The following BCR variants were observed in gnomAD, a reference collection of about 807,000 sequenced individuals.
The protein encoded by BCR is breakpoint cluster region protein.
A neutral mutation model predicts 138.6 loss-of-function variants in BCR; 58 were observed. The ratio of observed to expected loss-of-function variants is 0.42; its 90% CI spans 0.34 to 0.52. The LOEUF is 0.52. Ranked by LOEUF, BCR falls within the 20% of genes least tolerant of loss-of-function variation. The pLI, the probability that BCR is intolerant of heterozygous loss-of-function variation, is 0.06. For missense variants in BCR, 1,599 were observed against 1,727.2 expected (o/e 0.93, Z 1.32); for synonymous variants, 786 against 730.1 (o/e 1.08, Z -1.23).
chr22:23,263,555 A>C (rs2073398296), intron 4 of BCR: 1 of 1,574,798 alleles, frequency 6.4e-7, no homozygotes, highest in African/African-American at 1.3e-5. Flanking sequence ...AGTTCCGTCC[A>C]GATGGTGCCA....
chr22:23,211,041 A>G (rs2072675646), intron 1 of BCR, among the ~76,000 whole-genome samples: 1 of 151,990 alleles, frequency 6.6e-6, no homozygotes, highest in Non-Finnish European at 1.5e-5. Flanking sequence ...GAAACCCTAT[A>G]CCTATTAGCA....
intron 1 of BCR, among the ~76,000 whole-genome samples, chr22:23,208,054 G>A (rs1233317984): frequency 1.3e-5 from 2 of 152,166 alleles, no homozygotes; most frequent in African/African-American, 2.4e-5. Flanking sequence ...TCCTGTTGCC[G>A]AGCACCTGTC....
intron 1 of BCR, among the ~76,000 whole-genome samples, chr22:23,253,318 C>G (rs1189734121): frequency 2.0e-5 from 3 of 152,160 alleles, no homozygotes; most frequent in Admixed American, 1.3e-4. Context: ...ACTCAACCTT[C>G]AACTGTGGGT....
chr22:23,291,207 C>CA (rs34824833), intron 14 of BCR: 2,046 of 63,184 alleles, frequency 0.032, 29 homozygotes, highest in African/African-American at 0.047. Flanking sequence ...GACTCCGCCT[C>CA]AAAAAAAAAA....
chr22:23,225,367 G>A (rs2072877946), intron 1 of BCR, among the ~76,000 whole-genome samples: 2 of 57,010 alleles, frequency 3.5e-5, no homozygotes, highest in African/African-American at 1.6e-4. Context: ...ACCCCACCAT[G>A]CTTCTTAGAC....
chr22:23,285,563 G>A (rs1169196307), intron 10 of BCR, among the ~76,000 whole-genome samples: 1 of 152,198 alleles, frequency 6.6e-6, no homozygotes, highest in Non-Finnish European at 1.5e-5. Flanking sequence ...CCTCACGAGA[G>A]AAACTTGTTT....
intron 1 of BCR, among the ~76,000 whole-genome samples, chr22:23,217,583 C>A (rs551843019): frequency 2.6e-5 from 4 of 152,114 alleles, no homozygotes; most frequent in African/African-American, 4.8e-5. Context: ...TCGGTGGGAA[C>A]CCTGGTGTCC....
At chr22:23,205,511 C>T (rs1010672887) in intron 1 of BCR, among the ~76,000 whole-genome samples, 17 of 152,288 alleles carry the variant, frequency 1.1e-4, no homozygotes, top group African/African-American at 4.1e-4. Flanking sequence ...TCCCATTCAG[C>T]GTCCAGGATC....
rs757871480 is a variant in BCR, at chr22:23,271,554, A to G, written c.1883A>G (p.Lys628Arg). The G allele has an allele frequency of 5.0e-6, 8 of 1,614,020 alleles. No homozygotes were observed. The highest frequency in any genetic ancestry group is 6.8e-6 in the Non-Finnish European group (8 of 1,180,030). Residue 628 changes from lysine to arginine, a missense_variant, in exon 6 of 23, where the codon AAA (lysine) becomes AGA (arginine). Around this residue, in one of 4 missense-constraint regions of BCR, gnomAD observed 590 missense variants for 762.4 expected, o/e 0.77. Transcript: ENST00000305877. ...CAGAACCTGAGAGCCAGAAGCAACA[A>G]AGATGCCAAGGATCCAACGACCAAG... is the stretch of plus-strand genomic sequence containing the variant. The part of the protein sequence containing the change: ...ISENLRARSN[K>R]DAKDPTTKNS...
intron 1 of BCR, 41 bp from the exon 2 acceptor site, chr22:23,253,758 C>A (rs1329151098): frequency 1.8e-5 from 28 of 1,575,952 alleles, no homozygotes; most frequent in South Asian, 2.3e-5. Flanking sequence ...TGGATGCTCC[C>A]TTCTCTGTCT....
intron 1 of BCR, among the ~76,000 whole-genome samples, chr22:23,222,104 AAGAG>A (rs369244400): frequency 7.2e-5 from 11 of 151,806 alleles, no homozygotes; most frequent in East Asian, 1.9e-4. Flanking sequence ...AAACAAAAAA[AAGAG>A]AGAGAAGTGA....
In BCR at chr22:23,234,680, G is replaced by A. The variant is rs1262315929; in HGVS notation, c.1280-19119G>A. Among the ~76,000 whole-genome samples, 2 of 106,244 alleles carry A rather than the reference G, an allele frequency of 1.9e-5. 1 individual carries two copies. Among genetic ancestry groups the A allele is most frequent in the Non-Finnish European group, 5.0e-5 (2 of 40,268 alleles). The allele number at this position is 106,244 out of a possible 152,430, so 69.7% of individuals were successfully genotyped here. On this transcript the variant is annotated intron_variant, in intron 1 of 22. Coordinates refer to ENST00000305877, the MANE Select transcript of BCR (RefSeq NM_004327.4). ...GGCCATCTGGATGGGGAAGGTGTGA[G>A]CCGAGGCCCAGAATGGAGCACCCAG...
At chr22:23,200,941 C>T (rs2072546170) in intron 1 of BCR, among the ~76,000 whole-genome samples, 1 of 152,192 alleles carries the variant, frequency 6.6e-6, no homozygotes, top group South Asian at 2.1e-4. Context: ...GGACTTCTGC[C>T]AGTCAGCAGG....
intron 5 of BCR, among the ~76,000 whole-genome samples, chr22:23,269,440 T>C (rs2073483892): frequency 6.6e-6 from 1 of 152,170 alleles, no homozygotes; most frequent in South Asian, 2.1e-4. Context: ...GCACTAGAAA[T>C]AGGGAGTGAA....
At chr22:23,182,317 G>C (rs1040101656) in intron 1 of BCR, 78 bp downstream of exon 1, 1 of 1,415,114 alleles carries the variant, frequency 7.1e-7, no homozygotes, top group African/African-American at 1.4e-5. Flanking sequence ...ATACAAAACA[G>C]AAGTTGGGAG....
rs111692308 is a variant in BCR, at chr22:23,258,323, C to G, written c.1462-2627C>G. Among the ~76,000 whole-genome samples, 789 of 152,266 alleles carry G rather than the reference C, an allele frequency of 5.2e-3. 5 individuals carry two copies. Among genetic ancestry groups the G allele is most frequent in the Non-Finnish European group, 9.4e-3 (637 of 68,014 alleles). Reference sequence around the variant, plus strand: ...GGATGTGTGGTCCAAGCCCCAGGGACTCAAATGGGGCACAGGGTGGGGCTC... The same window carrying G: ...GGATGTGTGGTCCAAGCCCCAGGGAGTCAAATGGGGCACAGGGTGGGGCTC... On this transcript the variant is annotated intron_variant, in intron 2 of 22. Transcript: ENST00000305877.
intron 14 of BCR, chr22:23,290,657 C>G (rs2073775574): frequency 3.8e-6 from 2 of 519,708 alleles, no homozygotes; most frequent in Non-Finnish European, 7.0e-6. Context: ...GGTGAGCTGC[C>G]CCCTGCAGGT....
chr22:23,230,792 T>A (rs949294580), intron 1 of BCR, among the ~76,000 whole-genome samples: 2 of 152,226 alleles, frequency 1.3e-5, no homozygotes. Context: ...AAACATTGCC[T>A]GTCCTGCATG....
chr22:23,289,627 C>CA lies in BCR; in HGVS notation c.2707+6_2707+7insA, dbSNP rs760688330. ...GCTGACCATCAATAAGGAAGGTGGG[C>CA]CCCCCCGTTTCCGTGTACAGGGCAC... On this transcript the variant is annotated splice_region_variant and intron_variant, in intron 13 of 22. Transcript: ENST00000305877. The CA allele has an allele frequency of 1.4e-5, 22 of 1,523,942 alleles. No individual in the cohort carries two copies. Among genetic ancestry groups the CA allele is most frequent in the African/African-American group, 7.0e-5 (3 of 43,076 alleles). The allele number at this position is 1,523,942 out of a possible 1,614,324, so 94.4% of individuals were successfully genotyped here. A position where few individuals can be genotyped will look rare whatever the true frequency, so the allele number is the denominator to read the frequency against.
Sources: allele counts gnomAD v4.1 joint callset (sites outside exome capture counted in the v4.1 genomes callset), GRCh38; gene constraint gnomAD v4.1.1; regional missense constraint gnomAD v4.1.1; transcripts MANE v1.5; gene names NCBI Gene and HGNC (gene_info 2026-07-23, HGNC 2026-07-21).